The following SPACA7 variants were observed in gnomAD, a reference collection of about 807,000 sequenced individuals.
The protein encoded by SPACA7 is sperm acrosome-associated protein 7.
Under a neutral mutation model 26.3 loss-of-function variants are expected in SPACA7, and 19 were observed. The observed-to-expected ratio is 0.72, with a 90% CI of 0.50 to 1.06. The LOEUF (loss-of-function observed/expected upper bound fraction) is 1.06, where lower values mean the gene tolerates loss of function less well. Ranked by LOEUF, SPACA7 falls within the 50% of genes least tolerant of loss-of-function variation. The probability of loss-of-function intolerance (pLI) is 0.00; values close to 1 mark genes in which losing one functional copy is unlikely to be tolerated. For synonymous variants in SPACA7, 84 were observed against 84.5 expected (o/e 0.99, Z 0.04); for missense variants, 211 against 229.9 (o/e 0.92, Z 0.53).
chr13:112,413,235 T>C (rs1340375740), intron 5 of SPACA7, among the ~76,000 whole-genome samples: 5 of 152,196 alleles, frequency 3.3e-5, no homozygotes, highest in African/African-American at 1.2e-4. Flanking sequence ...ATTGAAGACT[T>C]CTTTTCAGCC....
At chr13:112,421,713 T>C (rs1240821831) in intron 5 of SPACA7, among the ~76,000 whole-genome samples, 1 of 152,160 alleles carries the variant, frequency 6.6e-6, no homozygotes, top group Non-Finnish European at 1.5e-5. Context: ...TCACCCTAAA[T>C]GCCAATCATT....
At chr13:112,424,145 C>T (rs763069242) in intron 5 of SPACA7, among the ~76,000 whole-genome samples, 6 of 152,308 alleles carry the variant, frequency 3.9e-5, no homozygotes, top group Non-Finnish European at 5.9e-5. Context: ...CTGGGTGAAG[C>T]GGAGCAGCCC....
At chr13:112,382,613 T>C in intron 1 of SPACA7, 1 of 1,400,926 alleles carries the variant, frequency 7.1e-7, no homozygotes, top group Non-Finnish European at 9.6e-7. Context: ...ATCTATAGTT[T>C]TAGTACAGTA....
intron 1 of SPACA7, among the ~76,000 whole-genome samples, chr13:112,387,661 G>C (rs1291168103): frequency 6.6e-6 from 1 of 152,156 alleles, no homozygotes; most frequent in Admixed American, 6.5e-5. Context: ...TTTCTATGCA[G>C]ATTTCAGAAG....
At chr13:112,404,104 GAT>G in intron 5 of SPACA7, among the ~76,000 whole-genome samples, 1 of 151,968 alleles carries the variant, frequency 6.6e-6, no homozygotes, top group Non-Finnish European at 1.5e-5. Flanking sequence ...TTGATTTTTT[GAT>G]TATGGCCACT....
At chr13:112,412,661 T>A (rs921372511) in intron 5 of SPACA7, among the ~76,000 whole-genome samples, 5 of 152,170 alleles carry the variant, frequency 3.3e-5, no homozygotes, top group Admixed American at 2.6e-4. Context: ...TCAAGTTTCA[T>A]TCTTCTGCAT....
At chr13:112,387,956 G>C (rs1034949438) in intron 1 of SPACA7, among the ~76,000 whole-genome samples, 4 of 152,142 alleles carry the variant, frequency 2.6e-5, no homozygotes, top group Non-Finnish European at 2.9e-5. Context: ...TCCACTCCAG[G>C]TGGTGATGGA....
intron 1 of SPACA7, chr13:112,382,535 T>C (rs1884146781): frequency 1.3e-6 from 2 of 1,547,774 alleles, no homozygotes; most frequent in Admixed American, 4.0e-5. Context: ...GTTTTGCAAC[T>C]ATCTGGGCGA....
chr13:112,431,789 T>G (rs566110795), intron 5 of SPACA7, among the ~76,000 whole-genome samples: 1 of 152,338 alleles, frequency 6.6e-6, no homozygotes, highest in African/African-American at 2.4e-5. Flanking sequence ...ATTAGGGTTC[T>G]CTGTAGGGTG....
At chr13:112,411,885 A>G (rs996110886) in intron 5 of SPACA7, among the ~76,000 whole-genome samples, 17 of 152,174 alleles carry the variant, frequency 1.1e-4, no homozygotes, top group Non-Finnish European at 2.1e-4. Context: ...GTCTATTGTA[A>G]ATAGAACTGC....
intron 2 of SPACA7, among the ~76,000 whole-genome samples, chr13:112,394,423 G>T (rs1411263834): frequency 6.6e-6 from 1 of 151,838 alleles, no homozygotes; most frequent in East Asian, 1.9e-4. Context: ...GCACGGCCTC[G>T]AACAGGGGCT....
Position 112,376,441 on chromosome 13 carries a change from G to A in SPACA7, c.56G>A (p.Trp19Ter). 6.2e-7 allele frequency: 1 copy of A among 1,613,736 alleles called. No homozygotes were observed. The highest frequency in any genetic ancestry group is 8.5e-7 in the Non-Finnish European group (1 of 1,179,890). Residue 19 changes from tryptophan to a stop codon, truncating the protein, a stop_gained, in exon 1 of 7, where the codon TGG (tryptophan) becomes TAG (stop). Transcript: ENST00000283550. LOFTEE classifies it high-confidence loss of function. ...TLCFVLLLCC[W>*]QETELRPRTV... is the part of the protein sequence containing the mutation. ...TGCTTTGTCCTCCTGCTGTGCTGTTGGCAAGAAACTGAGCTCCGGCCGAGA... is the reference window on the plus strand; with the variant it reads ...TGCTTTGTCCTCCTGCTGTGCTGTTAGCAAGAAACTGAGCTCCGGCCGAGA...
intron 6 of SPACA7, among the ~76,000 whole-genome samples, chr13:112,433,382 G>A (rs1222888167): frequency 5.4e-5 from 8 of 148,686 alleles, no homozygotes; most frequent in Admixed American, 1.4e-4. Context: ...CACCCACCAC[G>A]TGCCAGGCAC....
rs869183760 is a variant in SPACA7, at chr13:112,414,388, C to CTTTTTTTTTTTTT, written c.445+13252_445+13264dup. On this transcript the variant is annotated intron_variant, in intron 5 of 6. Coordinates refer to ENST00000283550, the MANE Select transcript of SPACA7 (RefSeq NM_145248.5). ...AAGTTTCTGAATGGCTTTTCTGTGT[C>CTTTTTTTTTTTTT]TTTTTTTTTTTTTTTTTTTTTTTTT... Among the ~76,000 whole-genome samples the CTTTTTTTTTTTTT allele has an allele frequency of 8.6e-4, 27 of 31,396 alleles. 12 individuals carry two copies. Among genetic ancestry groups the CTTTTTTTTTTTTT allele is most frequent in the Non-Finnish European group, 1.5e-3 (25 of 17,230 alleles). The allele number at this position is 31,396 out of a possible 152,430, so 20.6% of individuals were successfully genotyped here. A position where few individuals can be genotyped will look rare whatever the true frequency, so the allele number is the denominator to read the frequency against.
At position 112,405,649 on chromosome 13, in the gene SPACA7, T is replaced by C. The variant is rs534556236; in HGVS notation, c.445+4485T>C. On this transcript the variant is annotated intron_variant, in intron 5 of 6. Coordinates refer to ENST00000283550, the MANE Select transcript of SPACA7 (RefSeq NM_145248.5). ...AGGTGTATTCTCCAGTGTCAAGATTTAACTGGAATCTGGTGTGTGTTAATA... is the reference window on the plus strand; with the variant it reads ...AGGTGTATTCTCCAGTGTCAAGATTCAACTGGAATCTGGTGTGTGTTAATA... Among the ~76,000 whole-genome samples, 8 of 152,348 alleles carry C rather than the reference T, an allele frequency of 5.3e-5. No homozygotes were observed. In the South Asian group the frequency reaches 1.7e-3, roughly 32 times the overall value.
At chr13:112,392,409 G>A (rs185110056) in intron 1 of SPACA7, among the ~76,000 whole-genome samples, 3 of 152,264 alleles carry the variant, frequency 2.0e-5, no homozygotes, top group African/African-American at 7.2e-5. Context: ...CTTATCTGCA[G>A]ATGGGACCAC....
intron 1 of SPACA7, chr13:112,382,320 G>C: frequency 9.1e-7 from 1 of 1,104,594 alleles, no homozygotes; most frequent in African/African-American, 1.6e-5. Context: ...GGCGCCTCTC[G>C]ATTTCTTGAC....
At chr13:112,408,544 C>G (rs1423322275) in intron 5 of SPACA7, among the ~76,000 whole-genome samples, 1 of 93,548 alleles carries the variant, frequency 1.1e-5, no homozygotes, top group African/African-American at 3.8e-5. Flanking sequence ...AATCAATGTG[C>G]GAAAATCACA....
intron 1 of SPACA7, among the ~76,000 whole-genome samples, chr13:112,383,179 AAGAAAG>A (rs1884303131): frequency 7.0e-6 from 1 of 141,886 alleles, no homozygotes; most frequent in African/African-American, 2.8e-5. Flanking sequence ...GAAAGAAAGA[AAGAAAG>A]AAAGAAAGAA....
Sources: gnomAD v4.1 joint callset for allele counts (sites outside exome capture counted in the v4.1 genomes callset) on GRCh38, gnomAD v4.1.1 for gene constraint, MANE v1.5 for transcripts, NCBI Gene and HGNC (gene_info 2026-07-23, HGNC 2026-07-21) for gene names.